Variants in DLGAP1 observed in about 807,000 individuals in gnomAD.
DLGAP1 encodes disks large-associated protein 1.
DLGAP1 carries 11 observed loss-of-function variants against 90.8 expected under a neutral mutation model. The ratio of observed to expected loss-of-function variants is 0.12; its 90% confidence interval spans 0.08 to 0.20. The LOEUF is 0.20. Among genes scored for constraint, DLGAP1 ranks in the 10% least tolerant of loss-of-function variants. The pLI, the probability that DLGAP1 is intolerant of heterozygous loss-of-function variation, is 1.00. For missense variants in DLGAP1, 1,050 were observed against 1,333.8 expected, an observed-to-expected ratio of 0.79 and a Z score of 3.31; for synonymous variants, 558 against 540.7, an observed-to-expected ratio of 1.03 and a Z score of -0.44.
Position 4,042,672 on chromosome 18 carries a change from G to T in DLGAP1, c.-158-37471C>A, listed in dbSNP as rs1033855974. ...GGAGAATTGCTTGAACCTCGGAGGC[G>T]AAGGTTGCAATAAGCCGAGATCATG... is the stretch of plus-strand genomic sequence containing the variant. On this transcript the variant is annotated intron_variant, in intron 2 of 12. Transcript: ENST00000315677. 3.9e-5 allele frequency among the ~76,000 whole-genome samples: 6 copies of T among 152,294 alleles called. No individual in the cohort carries two copies. The South Asian group carries it at 8.3e-4, about 21-fold the overall frequency.
At chr18:4,195,495 T>C (rs1203053231) in intron 1 of DLGAP1, among the ~76,000 whole-genome samples, 3 of 152,324 alleles carry the variant, frequency 2.0e-5, no homozygotes, top group Admixed American at 6.5e-5. Context: ...GGACTGGTTT[T>C]AAAATTGCCA....
At chr18:3,560,951 A>G (rs1449188150) in intron 9 of DLGAP1, among the ~76,000 whole-genome samples, 4 of 150,978 alleles carry the variant, frequency 2.6e-5, no homozygotes, top group Non-Finnish European at 1.5e-5. Context: ...GACACTTCAC[A>G]GGTTTTGCAA....
At chr18:4,423,447 A>G (rs1176690869) in intron 1 of DLGAP1, among the ~76,000 whole-genome samples, 1 of 152,240 alleles carries the variant, frequency 6.6e-6, no homozygotes, top group African/African-American at 2.4e-5. Context: ...ACGGCATTTC[A>G]CATCAAATTA....
In DLGAP1 at chr18:4,084,625, G is replaced by A. The variant is rs1314448563; in HGVS notation, c.-159+66555C>T. On this transcript the variant is annotated intron_variant, in intron 2 of 12. Transcript: ENST00000315677. This position sits in a 1 kb window ranked among gnomAD's most constrained non-coding sequence, Gnocchi z 4.0. ...AACAGGCCTTGCTCAGTTCCCTCCA[G>A]TTTATTGCCATGAGATCATTCTCCC... 6.6e-6 allele frequency among the ~76,000 whole-genome samples: 1 copy of A among 152,124 alleles called. No individual in the cohort carries two copies. Among genetic ancestry groups the A allele is most frequent in the Non-Finnish European group, 1.5e-5 (1 of 68,040 alleles).
intron 7 of DLGAP1, among the ~76,000 whole-genome samples, chr18:3,602,579 A>C (rs2057116305): frequency 7.8e-6 from 1 of 127,678 alleles, no homozygotes; most frequent in Non-Finnish European, 1.6e-5. Flanking sequence ...TGGGCGACAG[A>C]GCGAGACTCC....
chr18:3,838,836 C>A (rs910017447), intron 4 of DLGAP1, among the ~76,000 whole-genome samples: 1 of 151,968 alleles, frequency 6.6e-6, no homozygotes, highest in African/African-American at 2.4e-5. Flanking sequence ...AGGCAAAAAC[C>A]AAACTCTGGT....
chr18:3,518,847 G>T (rs1234025098), intron 10 of DLGAP1, among the ~76,000 whole-genome samples: 2 of 152,178 alleles, frequency 1.3e-5, no homozygotes, highest in Non-Finnish European at 2.9e-5. Context: ...TCCAAAAAAG[G>T]ACATGATTTC....
At chr18:3,623,887 G>A (rs1036932352) in intron 7 of DLGAP1, among the ~76,000 whole-genome samples, 6 of 151,862 alleles carry the variant, frequency 4.0e-5, no homozygotes, top group Admixed American at 6.6e-5. Context: ...GGATGTGGCC[G>A]GTCCCCGTGC....
chr18:3,939,980 T>C (rs1364433490), intron 3 of DLGAP1, among the ~76,000 whole-genome samples: 1 of 152,210 alleles, frequency 6.6e-6, no homozygotes, highest in African/African-American at 2.4e-5. Flanking sequence ...TGTTTAGTTC[T>C]TTCTCATGCT....
At chr18:4,062,403 T>A (rs1471298613) in intron 2 of DLGAP1, among the ~76,000 whole-genome samples, 1 of 152,150 alleles carries the variant, frequency 6.6e-6, no homozygotes. Flanking sequence ...GTGTACAGGG[T>A]ACCTGATTTG....
At chr18:4,369,609 G>A (rs1454265003) in intron 1 of DLGAP1, among the ~76,000 whole-genome samples, 1 of 151,860 alleles carries the variant, frequency 6.6e-6, no homozygotes, top group Admixed American at 6.6e-5. Context: ...CAGAGGCAAT[G>A]ACTCACTTCA....
At chr18:4,078,845 T>A (rs9303940) in intron 2 of DLGAP1, among the ~76,000 whole-genome samples, 1 of 151,578 alleles carries the variant, frequency 6.6e-6, no homozygotes, top group East Asian at 1.9e-4. Flanking sequence ...GGTTTGCCAA[T>A]CTCAGGCTTA....
intron 1 of DLGAP1, among the ~76,000 whole-genome samples, chr18:4,354,051 G>A (rs534440654): frequency 4.6e-5 from 7 of 152,252 alleles, no homozygotes; most frequent in Admixed American, 6.5e-5. Context: ...CCATCGACAG[G>A]TAAGGAGTCT....
At chr18:3,988,699 T>C (rs373955443) in intron 3 of DLGAP1, among the ~76,000 whole-genome samples, 44 of 152,240 alleles carry the variant, frequency 2.9e-4, no homozygotes, top group African/African-American at 1.0e-3. Flanking sequence ...GCCCGGTTCC[T>C]AACAGGCCAC....
At chr18:3,564,088 T>A (rs896146842) in intron 9 of DLGAP1, among the ~76,000 whole-genome samples, 1 of 152,206 alleles carries the variant, frequency 6.6e-6, no homozygotes, top group African/African-American at 2.4e-5. Context: ...GCTTGTTCCA[T>A]CTCTTCAAAC....
chr18:4,201,111 G>A (rs533222595), intron 1 of DLGAP1, among the ~76,000 whole-genome samples: 3 of 148,746 alleles, frequency 2.0e-5, no homozygotes, highest in African/African-American at 7.8e-5. Context: ...TCTTTCTGTT[G>A]ACGACTTTTT....
intron 3 of DLGAP1, among the ~76,000 whole-genome samples, chr18:3,920,019 C>G (rs2072231066): frequency 6.6e-6 from 1 of 152,194 alleles, no homozygotes; most frequent in African/African-American, 2.4e-5. Flanking sequence ...CTTTCCACAT[C>G]AAACACCTTG....
intron 1 of DLGAP1, among the ~76,000 whole-genome samples, chr18:4,373,325 T>C (rs751534528): frequency 2.0e-5 from 3 of 152,146 alleles, no homozygotes; most frequent in East Asian, 1.9e-4. Context: ...TCAGGAGATA[T>C]TAAAGAAGCA....
At chr18:3,560,589 CAAA>C (rs59239504) in intron 9 of DLGAP1, among the ~76,000 whole-genome samples, 1 of 69,958 alleles carries the variant, frequency 1.4e-5, no homozygotes. Context: ...GACTCAGTCT[CAAA>C]AAAAAAAAAA....
Sources: gnomAD v4.1 joint callset for allele counts (sites outside exome capture counted in the v4.1 genomes callset) on GRCh38, gnomAD v4.1.1 for gene constraint, Gnocchi (gnomAD v3.1) non-coding constraint, MANE v1.5 for transcripts, NCBI Gene and HGNC (gene_info 2026-07-23, HGNC 2026-07-21) for gene names.